The following ARHGEF7 variants were observed in gnomAD, a reference collection of about 807,000 sequenced individuals.
ARHGEF7 encodes the protein Rho guanine nucleotide exchange factor 7, also known as PAK-interacting exchange factor beta.
A neutral mutation model predicts 109.8 loss-of-function variants in ARHGEF7; 33 were observed. The observed-to-expected ratio is 0.30, with a 90% CI of 0.23 to 0.40. The LOEUF is 0.40. Ranked by LOEUF, ARHGEF7 falls within the 10% of genes least tolerant of loss-of-function variation. The pLI is 1.00. For missense variants in ARHGEF7, 938 were observed against 1,098.5 expected (o/e 0.85, Z 2.07); for synonymous variants, 458 against 424.6 (o/e 1.08, Z -0.97).
Position 111,209,960 on chromosome 13 carries a change from C to T in ARHGEF7, c.426C>T (p.His142=), listed in dbSNP as rs1372580288. 2 of 1,614,228 alleles carry T rather than the reference C, an allele frequency of 1.2e-6. No individual in the cohort carries two copies. The highest frequency in any genetic ancestry group is 1.1e-5 in the South Asian group (1 of 91,082). ...ACTCCCTTGGATCACAGTCTTTGCA[C>T]ACTCGGACTTCAAAACTGTTCCAGG... ...SFDSLGSQSL[H]TRTSKLFQGQ... Residue 142 remains histidine (H), a synonymous_variant, in exon 4 of 22, where the codon CAC becomes CAT. Transcript: ENST00000646102.
Position 111,273,843 on chromosome 13 carries a change from A to C in ARHGEF7, c.1103A>C (p.Lys368Thr). Residue 368 changes from lysine (K) to threonine (T), a missense_variant, in exon 10 of 22, where the codon AAA (lysine) becomes ACA (threonine). Physicochemically the swap from Lys to Thr is moderately conservative, Grantham distance 78. Around this residue, in one of 4 missense-constraint regions of ARHGEF7, gnomAD observed 585 missense variants for 723.6 expected, o/e 0.81. Transcript: ENST00000646102. The surrounding 1 kb of genome is among the most constrained non-coding windows in gnomAD (Gnocchi z 4.5). ...GAGTTGGGGGAGTTCATGGAGACCA[A>C]AGGTGCCAGCAGCCCTGGGATTCTC... ...SEELGEFMETKGASSPGILVL... is the reference protein window; with the variant it reads ...SEELGEFMETTGASSPGILVL... The C allele has an allele frequency of 3.7e-6, 6 of 1,614,152 alleles. No individual in the cohort carries two copies. The highest frequency in any genetic ancestry group is 5.1e-6 in the Non-Finnish European group (6 of 1,180,018).
chr13:111,228,587 T>TGGCACA lies in ARHGEF7; in HGVS notation c.671-4617_671-4612dup, dbSNP rs2085543979. Among the ~76,000 whole-genome samples, 1 of 152,208 alleles carries TGGCACA rather than the reference T, an allele frequency of 6.6e-6. No homozygotes were observed. The highest frequency in any genetic ancestry group is 6.5e-5 in the Admixed American group (1 of 15,284). On this transcript the variant is annotated intron_variant, in intron 5 of 21. Coordinates refer to ENST00000646102, the MANE Select transcript of ARHGEF7 (RefSeq NM_001354046.2). This position sits in a 1 kb window ranked among gnomAD's most constrained non-coding sequence, Gnocchi z 4.6. Reference sequence around the variant, plus strand: ...TTTCTAAAAGTTTGGGAAAAAGTAATGGCACAATTATAACATTTTCGAACA... The same window carrying TGGCACA: ...TTTCTAAAAGTTTGGGAAAAAGTAATGGCACAGGCACAATTATAACATTTTCGAACA...
At chr13:111,121,746 G>A (rs1358891440) in intron 1 of ARHGEF7, among the ~76,000 whole-genome samples, 6 of 152,196 alleles carry the variant, frequency 3.9e-5, no homozygotes, top group Non-Finnish European at 7.3e-5. Context: ...GGTCCTCTGC[G>A]TGCTTCAGAG....
At chr13:111,275,798 T>C in intron 12 of ARHGEF7, 120 bp downstream of exon 12, 2 of 1,297,412 alleles carry the variant, frequency 1.5e-6, no homozygotes, top group South Asian at 1.2e-5. Flanking sequence ...ATCTTATAAT[T>C]TGTGAGCTAC....
intron 2 of ARHGEF7, among the ~76,000 whole-genome samples, chr13:111,187,397 C>T (rs1372677160): frequency 3.3e-5 from 5 of 152,124 alleles, no homozygotes; most frequent in Admixed American, 6.5e-5. Flanking sequence ...GAAACTGTGG[C>T]GCACACTCAG....
intron 1 of ARHGEF7, among the ~76,000 whole-genome samples, chr13:111,148,552 C>T (rs1009066803): frequency 1.3e-5 from 2 of 152,196 alleles, no homozygotes; most frequent in African/African-American, 2.4e-5. Context: ...AACTGACTAG[C>T]CTTAGAAGGT....
intron 5 of ARHGEF7, among the ~76,000 whole-genome samples, chr13:111,222,072 G>A (rs1042558945): frequency 6.6e-6 from 1 of 152,100 alleles, no homozygotes; most frequent in Non-Finnish European, 1.5e-5. Context: ...GCTTAAGGGT[G>A]GGTCTGCCTT....
At chr13:111,196,511 C>T (rs1364114508) in intron 2 of ARHGEF7, among the ~76,000 whole-genome samples, 1 of 152,212 alleles carries the variant, frequency 6.6e-6, no homozygotes, top group African/African-American at 2.4e-5. Context: ...CATCTGAAAA[C>T]TTCCCCAGGT....
rs774308780 is a variant in ARHGEF7 at position 111,209,895 on chromosome 13, G to C, written c.361G>C (p.Val121Leu). Residue 121 changes from valine (V) to leucine (L), a missense_variant, in exon 4 of 22, where the codon GTG (valine) becomes CTG (leucine). Val to Leu is a conservative substitution (Grantham distance 32). This residue lies in a region of ARHGEF7 where 585 missense variants were observed against 723.6 expected (regional missense o/e 0.81). Transcript: ENST00000646102. ...TADIGLGSDS[V>L]CARPSSHRIK... ...AGACATCGGGCTGGGGAGTGACTCC[G>C]TGTGTGCCCGGCCCTCGTCTCACCG... The C allele has an allele frequency of 1.2e-5, 19 of 1,614,176 alleles. No individual in the cohort carries two copies. Among genetic ancestry groups the C allele is most frequent in the Non-Finnish European group, 1.6e-5 (19 of 1,180,014 alleles).
At chr13:111,157,877 G>A (rs1322760813) in intron 2 of ARHGEF7, among the ~76,000 whole-genome samples, 1 of 152,202 alleles carries the variant, frequency 6.6e-6, no homozygotes, top group East Asian at 1.9e-4. Context: ...AACATTGTCT[G>A]ATTAGGCATC....
rs552614806 is a variant in ARHGEF7, at chr13:111,266,549, T to C, written c.951-999T>C. Among the ~76,000 whole-genome samples the C allele has an allele frequency of 1.4e-4, 21 of 152,102 alleles. No individual in the cohort carries two copies. Among genetic ancestry groups the C allele is most frequent in the Admixed American group, 1.0e-3 (16 of 15,290 alleles). On this transcript the variant is annotated intron_variant, in intron 8 of 21. Coordinates refer to ENST00000646102, the MANE Select transcript of ARHGEF7 (RefSeq NM_001354046.2). This position sits in a 1 kb window ranked among gnomAD's most constrained non-coding sequence, Gnocchi z 4.8. ...TTTCTCCTTTGCTCCTTCATTCCCC[T>C]TTTTTTAGGCAAATGTATTTGTCCT...
intron 2 of ARHGEF7, among the ~76,000 whole-genome samples, chr13:111,191,432 G>T (rs988253141): frequency 2.0e-5 from 3 of 152,180 alleles, no homozygotes; most frequent in Admixed American, 6.5e-5. Flanking sequence ...AAGTTGGATT[G>T]CACGTCCTGT....
rs1385546957 is a variant in ARHGEF7 at position 111,233,186 on chromosome 13, T to C, written c.671-19T>C. 2 of 1,601,784 alleles carry C rather than the reference T, an allele frequency of 1.2e-6. No individual in the cohort carries two copies. Among genetic ancestry groups the C allele is most frequent in the East Asian group, 4.5e-5 (2 of 44,808 alleles). On this transcript the variant is annotated intron_variant, in intron 5 of 21. Transcript: ENST00000646102. Reference sequence around the variant, plus strand: ...TCTTTAGTACTGATCAGTAAAACTATGTTACATTTTCATTTCAGAGAAGCC... The same window carrying C: ...TCTTTAGTACTGATCAGTAAAACTACGTTACATTTTCATTTCAGAGAAGCC...
intron 2 of ARHGEF7, among the ~76,000 whole-genome samples, chr13:111,155,416 A>G (rs960165874): frequency 2.0e-5 from 3 of 152,202 alleles, no homozygotes; most frequent in African/African-American, 7.2e-5. Context: ...TGTAAACACA[A>G]AGAAATTTAT....
At chr13:111,301,159 G>C (rs1323375922) in intron 20 of ARHGEF7, among the ~76,000 whole-genome samples, 1 of 152,126 alleles carries the variant, frequency 6.6e-6, no homozygotes, top group East Asian at 1.9e-4. Context: ...CTGTTGGCCA[G>C]GCTGGTCTCA....
chr13:111,283,030 T>C (rs945931103), intron 15 of ARHGEF7, 109 bp from the exon 16 acceptor site: 2 of 1,322,382 alleles, frequency 1.5e-6, no homozygotes, highest in Non-Finnish European at 2.1e-6. Flanking sequence ...CTGAGGTTTA[T>C]TTCACATGGA....
At chr13:111,166,909 A>G (rs1235686618) in intron 2 of ARHGEF7, among the ~76,000 whole-genome samples, 2 of 152,160 alleles carry the variant, frequency 1.3e-5, no homozygotes, top group Non-Finnish European at 2.9e-5. Context: ...TTAAACACAT[A>G]TTGTGGGCAG....
At chr13:111,129,245 A>G (rs570220776) in intron 1 of ARHGEF7, among the ~76,000 whole-genome samples, 15 of 152,310 alleles carry the variant, frequency 9.8e-5, no homozygotes, top group South Asian at 8.3e-4. Context: ...AAAGCCTAAA[A>G]CTAAAAAACT....
intron 2 of ARHGEF7, among the ~76,000 whole-genome samples, chr13:111,188,904 A>G (rs2079551386): frequency 6.6e-6 from 1 of 152,218 alleles, no homozygotes; most frequent in Non-Finnish European, 1.5e-5. Context: ...ATTATGAAAT[A>G]TGGACATGTT....
Sources: gnomAD v4.1 joint callset for allele counts (sites outside exome capture counted in the v4.1 genomes callset) on GRCh38, gnomAD v4.1.1 for gene constraint, gnomAD v4.1.1 regional missense constraint, Gnocchi (gnomAD v3.1) non-coding constraint, MANE v1.5 for transcripts, NCBI Gene and HGNC (gene_info 2026-07-23, HGNC 2026-07-21) for gene names.